NEK10: variants seen among roughly 807,000 people sequenced by gnomAD.
NEK10 encodes NIMA related kinase 10.
NEK10 carries 122 observed loss-of-function variants against 159.8 expected under a neutral mutation model. The observed-to-expected ratio is 0.76, with a 90% CI of 0.66 to 0.89. The LOEUF (loss-of-function observed/expected upper bound fraction) is 0.89. Among genes scored for constraint, NEK10 ranks in the 40% least tolerant of loss-of-function variants. The pLI is 0.00. For missense variants in NEK10, 1,342 were observed against 1,323.1 expected, an observed-to-expected ratio of 1.01 and a Z score of -0.22; for synonymous variants, 466 against 457.1, an observed-to-expected ratio of 1.02 and a Z score of -0.25.
intron 26 of NEK10, among the ~76,000 whole-genome samples, chr3:27,190,423 A>T (rs1355627550): frequency 6.6e-6 from 1 of 152,190 alleles, no homozygotes; most frequent in Non-Finnish European, 1.5e-5. Context: ...TTAATAGCTA[A>T]CTGTTGAAGC....
At chr3:27,244,226 A>G (rs1258096721) in intron 23 of NEK10, among the ~76,000 whole-genome samples, 1 of 152,230 alleles carries the variant, frequency 6.6e-6, no homozygotes, top group African/African-American at 2.4e-5. Context: ...ACAATTCAAA[A>G]AGACACTCTG....
intron 23 of NEK10, among the ~76,000 whole-genome samples, chr3:27,233,240 T>G (rs573030959): frequency 2.6e-5 from 4 of 151,998 alleles, no homozygotes; most frequent in South Asian, 2.1e-4. Flanking sequence ...AGCACATGAA[T>G]AGACAGTTCT....
intron 30 of NEK10, among the ~76,000 whole-genome samples, chr3:27,152,112 C>T (rs1944942311): frequency 6.6e-6 from 1 of 152,080 alleles, no homozygotes; most frequent in Non-Finnish European, 1.5e-5. Flanking sequence ...TTGCTAGAGA[C>T]CTAGACATGA....
rs1421858456 is a variant in NEK10 at position 27,139,753 on chromosome 3, G to A, written c.2970+1729C>T. ...TGCCAGAGCTTCTCTGGCATGTAAA[G>A]GGGTGATTTCAAAGGCTCAGAGAGA... On this transcript the variant is annotated intron_variant, in intron 31 of 35. Transcript: ENST00000691995. Among the ~76,000 whole-genome samples, 3 of 152,302 alleles carry A rather than the reference G, an allele frequency of 2.0e-5. 1 individual carries two copies. The highest frequency in any genetic ancestry group is 7.2e-5 in the African/African-American group (3 of 41,570).
chr3:27,253,194 C>A (rs1456687197), intron 23 of NEK10, among the ~76,000 whole-genome samples: 3 of 152,030 alleles, frequency 2.0e-5, no homozygotes, highest in Non-Finnish European at 4.4e-5. Context: ...TAATAATTCC[C>A]ATTCCAGGAA....
At chr3:27,266,345 C>A (rs2149375893) in intron 22 of NEK10, among the ~76,000 whole-genome samples, 1 of 152,218 alleles carries the variant, frequency 6.6e-6, no homozygotes, top group East Asian at 1.9e-4. Context: ...CCAAGCTGAG[C>A]TAATTTTTAT....
intron 5 of NEK10, among the ~76,000 whole-genome samples, chr3:27,329,505 C>A (rs892299803): frequency 1.2e-4 from 19 of 152,134 alleles, no homozygotes; most frequent in African/African-American, 4.3e-4. Context: ...AACTTATGTA[C>A]TCATGAGAAA....
At chr3:27,353,697 A>G (rs1252025045) in intron 1 of NEK10, among the ~76,000 whole-genome samples, 1 of 152,164 alleles carries the variant, frequency 6.6e-6, no homozygotes, top group East Asian at 1.9e-4. Context: ...TACCAAGGAT[A>G]TAACACCACC....
intron 22 of NEK10, among the ~76,000 whole-genome samples, chr3:27,282,564 AACTGTGT>A (rs1367952123): frequency 0.013 from 1,576 of 124,078 alleles, 8 homozygotes; most frequent in African/African-American, 0.061. Context: ...ATATATACAT[AACTGTGT>A]TATATATATA....
At chr3:27,235,970 T>TA (rs1953865073) in intron 23 of NEK10, among the ~76,000 whole-genome samples, 1 of 152,018 alleles carries the variant, frequency 6.6e-6, no homozygotes, top group Non-Finnish European at 1.5e-5. Flanking sequence ...TATGCAACCA[T>TA]AAAAAAGAAT....
intron 22 of NEK10, among the ~76,000 whole-genome samples, chr3:27,261,040 T>C (rs1312029573): frequency 1.3e-5 from 2 of 152,182 alleles, no homozygotes; most frequent in Non-Finnish European, 2.9e-5. Context: ...TGATGGTAGT[T>C]TGTATTTCTG....
intron 23 of NEK10, among the ~76,000 whole-genome samples, chr3:27,204,298 G>GTTTTT (rs1559606061): frequency 6.1e-5 from 4 of 65,516 alleles, no homozygotes; most frequent in South Asian, 5.5e-4. Context: ...TTTTTTTGTT[G>GTTTTT]TTGTTTTTTT....
chr3:27,227,700 A>G (rs1435541393), intron 23 of NEK10, among the ~76,000 whole-genome samples: 1 of 152,222 alleles, frequency 6.6e-6, no homozygotes, highest in Non-Finnish European at 1.5e-5. Flanking sequence ...AAATATCACT[A>G]AGTAGGTGAT....
At chr3:27,214,163 G>A (rs1034799181) in intron 23 of NEK10, among the ~76,000 whole-genome samples, 1 of 152,186 alleles carries the variant, frequency 6.6e-6, no homozygotes, top group African/African-American at 2.4e-5. Context: ...CTTGCTTCAA[G>A]TTGTCCTACC....
intron 6 of NEK10, among the ~76,000 whole-genome samples, chr3:27,317,867 A>G (rs1374664466): frequency 6.6e-6 from 1 of 152,078 alleles, no homozygotes; most frequent in Non-Finnish European, 1.5e-5. Flanking sequence ...CAGTGGCGCG[A>G]TCTTGGCTCA....
chr3:27,140,039 T>C (rs919811090), intron 31 of NEK10, among the ~76,000 whole-genome samples: 9 of 152,202 alleles, frequency 5.9e-5, no homozygotes, highest in South Asian at 4.1e-4. Flanking sequence ...ACTGAGAGCA[T>C]CTTCCATAAA....
chr3:27,209,798 C>CA (rs1391162287), intron 23 of NEK10, among the ~76,000 whole-genome samples: 2 of 152,076 alleles, frequency 1.3e-5, no homozygotes, highest in Non-Finnish European at 1.5e-5. Flanking sequence ...ATCTCACCCC[C>CA]AAAAAACACT....
At chr3:27,156,702 T>A (rs575263628) in intron 30 of NEK10, among the ~76,000 whole-genome samples, 38 of 151,820 alleles carry the variant, frequency 2.5e-4, no homozygotes, top group Admixed American at 6.6e-4. Flanking sequence ...TCACTGCTGG[T>A]GGGAATGTAA....
At chr3:27,213,526 C>T (rs1181741391) in intron 23 of NEK10, among the ~76,000 whole-genome samples, 3 of 152,110 alleles carry the variant, frequency 2.0e-5, no homozygotes, top group Non-Finnish European at 4.4e-5. Flanking sequence ...TAAACCAAAA[C>T]TAAAATTTTA....
Sources: gnomAD v4.1 joint callset for allele counts (sites outside exome capture counted in the v4.1 genomes callset) on GRCh38, gnomAD v4.1.1 for gene constraint, MANE v1.5 for transcripts, NCBI Gene and HGNC (gene_info 2026-07-23, HGNC 2026-07-21) for gene names.